MYO10: variants seen among roughly 807,000 people sequenced by gnomAD.
MYO10 encodes myosin X.
A neutral mutation model predicts 257.3 loss-of-function variants in MYO10; 133 were observed. The ratio of observed to expected loss-of-function variants is 0.52; its 90% CI spans 0.45 to 0.60. MYO10 has a LOEUF of 0.60. Ranked by LOEUF, MYO10 falls within the 20% of genes least tolerant of loss-of-function variation. MYO10 has a pLI of 0.00. For synonymous variants in MYO10, 1,104 were observed against 1,028.6 expected (o/e 1.07, Z -1.40); for missense variants, 2,399 against 2,635.7 (o/e 0.91, Z 1.97).
intron 15 of MYO10, 104 bp from the exon 16 acceptor site, chr5:16,762,217 C>A: frequency 7.4e-7 from 1 of 1,359,914 alleles, no homozygotes; most frequent in South Asian, 1.7e-5. Flanking sequence ...CAGTGAAAAT[C>A]ATTTCCAAAC....
At chr5:16,778,688 GTTTTTTT>G (rs55880979) in intron 9 of MYO10, among the ~76,000 whole-genome samples, 1 of 107,548 alleles carries the variant, frequency 9.3e-6, no homozygotes, top group Non-Finnish European at 1.9e-5. Flanking sequence ...CTTTGCTGAG[GTTTTTTT>G]TTTTTTTTTT....
chr5:16,679,649 T>A (rs1051393310), intron 33 of MYO10, among the ~76,000 whole-genome samples: 2 of 151,362 alleles, frequency 1.3e-5, no homozygotes, highest in African/African-American at 4.9e-5. Flanking sequence ...CTCAGCCTCC[T>A]GTGTAGCTGG....
intron 2 of MYO10, among the ~76,000 whole-genome samples, chr5:16,850,468 G>A (rs889157741): frequency 6.6e-6 from 1 of 151,810 alleles, no homozygotes; most frequent in Non-Finnish European, 1.5e-5. Context: ...AGTAGAGATG[G>A]GGTTTCACCA....
chr5:16,707,475 G>A (rs1192165379), intron 21 of MYO10, among the ~76,000 whole-genome samples: 4 of 152,200 alleles, frequency 2.6e-5, no homozygotes, highest in East Asian at 1.9e-4. Flanking sequence ...ACCATTTCAC[G>A]TGGTTCTTTT....
chr5:16,893,879 C>A (rs1000584715), intron 1 of MYO10, among the ~76,000 whole-genome samples: 14 of 152,086 alleles, frequency 9.2e-5, no homozygotes, highest in African/African-American at 3.4e-4. Flanking sequence ...GAGGACACAG[C>A]CTCTCCCCAG....
rs968922113 is a variant in MYO10, at chr5:16,901,598, C to G, written c.22-23891G>C. On this transcript the variant is annotated intron_variant, in intron 1 of 40. Coordinates refer to ENST00000513610, the MANE Select transcript of MYO10 (RefSeq NM_012334.3). ...GGCATTTAAATAGGTGAGAAGACTC[C>G]TTTTACAGATTCTACAGTTCCCATT... Among the ~76,000 whole-genome samples, 9 of 152,300 alleles carry G rather than the reference C, an allele frequency of 5.9e-5. No homozygotes were observed. The East Asian group carries it at 1.7e-3, about 29-fold the overall frequency.
intron 19 of MYO10, among the ~76,000 whole-genome samples, chr5:16,719,833 A>G (rs1287792715): frequency 6.6e-6 from 1 of 152,070 alleles, no homozygotes; most frequent in Non-Finnish European, 1.5e-5. Flanking sequence ...GCGTGGTGGT[A>G]CATGCCTATA....
At chr5:16,772,679 T>A (rs1295229153) in intron 9 of MYO10, among the ~76,000 whole-genome samples, 2 of 152,134 alleles carry the variant, frequency 1.3e-5, no homozygotes, top group African/African-American at 4.8e-5. Context: ...TTGCTGGCAA[T>A]AAATACTTTT....
intron 23 of MYO10, 68 bp downstream of exon 23, chr5:16,702,857 A>G (rs1434134876): frequency 7.2e-7 from 1 of 1,386,266 alleles, no homozygotes; most frequent in East Asian, 2.5e-5. Context: ...CTGGCTGCAC[A>G]GACAGATACC....
intron 3 of MYO10, chr5:16,815,291 T>G (rs1442865738): frequency 1.9e-6 from 1 of 515,140 alleles, no homozygotes; most frequent in African/African-American, 2.0e-5. Context: ...TTTTGGATTT[T>G]GGAATATTTG....
At chr5:16,843,231 C>T (rs1029104555) in intron 2 of MYO10, among the ~76,000 whole-genome samples, 8 of 152,178 alleles carry the variant, frequency 5.3e-5, no homozygotes, top group Admixed American at 3.9e-4. Context: ...GTATGCTCCA[C>T]GCCCCATTCT....
intron 1 of MYO10, among the ~76,000 whole-genome samples, chr5:16,897,172 T>C (rs1473818608): frequency 6.6e-6 from 1 of 152,180 alleles, no homozygotes; most frequent in Non-Finnish European, 1.5e-5. Context: ...AGTATTTGTT[T>C]TGAAACTGTT....
intron 19 of MYO10, among the ~76,000 whole-genome samples, chr5:16,737,069 C>T (rs1270508712): frequency 2.6e-5 from 4 of 151,902 alleles, no homozygotes; most frequent in African/African-American, 9.7e-5. Flanking sequence ...ACTTAATATT[C>T]TTATTTATCT....
intron 29 of MYO10, 28 bp downstream of exon 29, chr5:16,685,710 A>AC: frequency 1.3e-5 from 10 of 774,836 alleles, no homozygotes; most frequent in Non-Finnish European, 1.7e-5. Context: ...TAGACGCCCC[A>AC]CCCCCATCCC....
chr5:16,801,088 C>G (rs1020470513), intron 3 of MYO10, among the ~76,000 whole-genome samples: 13 of 152,160 alleles, frequency 8.5e-5, no homozygotes, highest in African/African-American at 2.9e-4. Flanking sequence ...TACTTTATAG[C>G]TTTAAACTGA....
At chr5:16,885,008 GATAAAGT>G (rs1002760897) in intron 1 of MYO10, among the ~76,000 whole-genome samples, 14 of 152,156 alleles carry the variant, frequency 9.2e-5, no homozygotes, top group African/African-American at 3.4e-4. Context: ...AATCCCAACA[GATAAAGT>G]ATCGCTGGGG....
At chr5:16,676,223 C>T (rs1736718634) in intron 33 of MYO10, 69 bp from the exon 34 acceptor site, 3 of 1,570,624 alleles carry the variant, frequency 1.9e-6, no homozygotes, top group Non-Finnish European at 2.6e-6. Flanking sequence ...TTTTTCAAGA[C>T]TCTCAAATAT....
chr5:16,805,923 T>TAAGG (rs1473215857), intron 3 of MYO10, among the ~76,000 whole-genome samples: 2 of 152,192 alleles, frequency 1.3e-5, no homozygotes, highest in Non-Finnish European at 2.9e-5. Context: ...TCAAAAGGCC[T>TAAGG]AAGGGTATAA....
intron 1 of MYO10, among the ~76,000 whole-genome samples, chr5:16,882,954 C>T (rs1215318071): frequency 1.4e-5 from 2 of 141,840 alleles, no homozygotes; most frequent in Non-Finnish European, 3.0e-5. Flanking sequence ...CTCACTCTGT[C>T]ACCCAGGCTG....
Sources: allele counts gnomAD v4.1 joint callset (sites outside exome capture counted in the v4.1 genomes callset), GRCh38; gene constraint gnomAD v4.1.1; transcripts MANE v1.5; gene names NCBI Gene and HGNC (gene_info 2026-07-23, HGNC 2026-07-21).